Variants in RPS6KC1 observed in about 807,000 individuals in gnomAD.
RPS6KC1 encodes ribosomal protein S6 kinase C1.
Under a neutral mutation model 103.8 loss-of-function variants are expected in RPS6KC1, and 54 were observed. The observed-to-expected ratio is 0.52, with a 90% CI of 0.42 to 0.65. RPS6KC1 has a LOEUF of 0.65. Ranked by LOEUF, RPS6KC1 falls within the 30% of genes least tolerant of loss-of-function variation. The pLI, the probability that RPS6KC1 is intolerant of heterozygous loss-of-function variation, is 0.00. For missense variants in RPS6KC1, 1,151 were observed against 1,253.8 expected (o/e 0.92, Z 1.24); for synonymous variants, 439 against 438.7 (o/e 1.00, Z -0.01).
At chr1:213,794,970 T>G in the RPS6KC1 span, among the ~76,000 whole-genome samples, 1 of 152,216 alleles carries the variant, frequency 6.6e-6, no homozygotes, top group African/African-American at 2.4e-5. Flanking sequence ...CTTCCAGACC[T>G]CTAAAGGTGA....
chr1:213,167,909 A>G lies in RPS6KC1; in HGVS notation c.887A>G (p.Tyr296Cys). 2 of 1,613,850 alleles carry G rather than the reference A, an allele frequency of 1.2e-6. No individual in the cohort carries two copies. The highest frequency in any genetic ancestry group is 1.7e-6 in the Non-Finnish European group (2 of 1,179,906). ...GCTGTGAAGAGAAGAACAGCCGAGTACCTCATGCGGGCAGAAAGTATCTCT... is the reference window on the plus strand; with the variant it reads ...GCTGTGAAGAGAAGAACAGCCGAGTGCCTCATGCGGGCAGAAAGTATCTCT... Reference protein sequence around the residue: ...REAVKRRTAEYLMRAESISSL... With the variant: ...REAVKRRTAECLMRAESISSL... The change falls in exon 7 of 15, where the codon TAC becomes TGC. Residue 296 changes from tyrosine to cysteine, a missense_variant. By Grantham distance (194) the Tyr-to-Cys change is radical. Coordinates refer to ENST00000366960, the MANE Select transcript of RPS6KC1 (RefSeq NM_012424.6).
At chr1:213,743,372 CAGAATACT>C in the RPS6KC1 span, among the ~76,000 whole-genome samples, 1 of 151,992 alleles carries the variant, frequency 6.6e-6, no homozygotes, top group Non-Finnish European at 1.5e-5. Context: ...ATAGACACTG[CAGAATACT>C]AGAAGATGAA....
At chr1:213,536,362 G>A in the RPS6KC1 span, among the ~76,000 whole-genome samples, 1 of 152,196 alleles carries the variant, frequency 6.6e-6, no homozygotes, top group African/African-American at 2.4e-5. Flanking sequence ...TGGAGGAAAA[G>A]ATAGTGTCCC....
intron 3 of RPS6KC1, among the ~76,000 whole-genome samples, chr1:213,098,276 A>G (rs1022683759): frequency 1.3e-5 from 2 of 149,414 alleles, no homozygotes; most frequent in African/African-American, 4.9e-5. Flanking sequence ...CAGGCATACT[A>G]CAGGCATGTG....
the RPS6KC1 span, among the ~76,000 whole-genome samples, chr1:213,657,962 T>C: frequency 6.6e-6 from 1 of 152,204 alleles, no homozygotes; most frequent in Non-Finnish European, 1.5e-5. Context: ...TCATGAATGG[T>C]TGCATGACTC....
chr1:213,586,945 C>T, the RPS6KC1 span, among the ~76,000 whole-genome samples: 5,984 of 152,232 alleles, frequency 0.039, 159 homozygotes, highest in East Asian at 0.11. Context: ...TTCTTGTTCT[C>T]GTTAGCCTGG....
chr1:213,063,495 A>G (rs138388435), intron 1 of RPS6KC1, among the ~76,000 whole-genome samples: 1 of 152,192 alleles, frequency 6.6e-6, no homozygotes, highest in Non-Finnish European at 1.5e-5. Context: ...ACAATAAGAG[A>G]TAGTTACTTT....
At chr1:213,778,124 T>C in the RPS6KC1 span, among the ~76,000 whole-genome samples, 1 of 152,188 alleles carries the variant, frequency 6.6e-6, no homozygotes, top group Non-Finnish European at 1.5e-5. Flanking sequence ...TGTAGCCTCA[T>C]GGTCTTCATT....
chr1:213,846,459 T>C, the RPS6KC1 span, among the ~76,000 whole-genome samples: 2 of 152,228 alleles, frequency 1.3e-5, 1 homozygote, highest in Admixed American at 1.3e-4. Flanking sequence ...AAATAGAACG[T>C]TTTAGTTAAG....
At chr1:213,444,123 G>A in the RPS6KC1 span, among the ~76,000 whole-genome samples, 1 of 152,082 alleles carries the variant, frequency 6.6e-6, no homozygotes, top group African/African-American at 2.4e-5. Flanking sequence ...GCAATCTTTA[G>A]CATTCCTTGG....
At chr1:213,140,413 C>G (rs958893109) in intron 6 of RPS6KC1, among the ~76,000 whole-genome samples, 1 of 151,978 alleles carries the variant, frequency 6.6e-6, no homozygotes, top group Admixed American at 6.6e-5. Flanking sequence ...TTGTCTTGTT[C>G]TGGTTCTCAA....
At chr1:213,643,515 C>T in the RPS6KC1 span, among the ~76,000 whole-genome samples, 1 of 151,322 alleles carries the variant, frequency 6.6e-6, no homozygotes, top group Admixed American at 6.6e-5. Context: ...ACTAAATGTA[C>T]TTAGGAGTTT....
the RPS6KC1 span, among the ~76,000 whole-genome samples, chr1:213,814,289 C>A: frequency 6.6e-6 from 1 of 152,182 alleles, no homozygotes; most frequent in African/African-American, 2.4e-5. Context: ...GGGGCTTGGG[C>A]GAAGCCTAAA....
the RPS6KC1 span, among the ~76,000 whole-genome samples, chr1:213,415,401 C>T: frequency 6.6e-6 from 1 of 152,368 alleles, no homozygotes; most frequent in East Asian, 1.9e-4. Flanking sequence ...TTCTTTCCTA[C>T]AGCTCCTCAT....
At chr1:213,178,039 CA>C (rs1370677285) in intron 8 of RPS6KC1, among the ~76,000 whole-genome samples, 1 of 149,896 alleles carries the variant, frequency 6.7e-6, no homozygotes, top group Non-Finnish European at 1.5e-5. Context: ...CCTGCGTCTA[CA>C]AAAAAAGAAA....
Position 213,270,974 on chromosome 1 carries a change from G to C in RPS6KC1, c.3091-1550G>C, listed in dbSNP as rs78282093. 1.9e-3 allele frequency among the ~76,000 whole-genome samples: 292 copies of C among 152,212 alleles called. 8 individuals are homozygous for C. The East Asian group carries it at 0.048, about 25-fold the overall frequency. ...AGAAACCGAAATCCTCATACATAAAGGTTTGTGGGAATGTAAAATGGTACA... is the reference window on the plus strand; with the variant it reads ...AGAAACCGAAATCCTCATACATAAACGTTTGTGGGAATGTAAAATGGTACA... On this transcript the variant is annotated intron_variant, in intron 14 of 14. Coordinates refer to ENST00000366960, the MANE Select transcript of RPS6KC1 (RefSeq NM_012424.6).
At chr1:213,512,164 G>C in the RPS6KC1 span, among the ~76,000 whole-genome samples, 1 of 152,180 alleles carries the variant, frequency 6.6e-6, no homozygotes, top group Non-Finnish European at 1.5e-5. Flanking sequence ...ATTCCTGATT[G>C]ATTTTTGAAG....
chr1:213,490,996 C>A, the RPS6KC1 span, among the ~76,000 whole-genome samples: 2 of 152,132 alleles, frequency 1.3e-5, no homozygotes, highest in African/African-American at 4.8e-5. Flanking sequence ...GGAACTGGAG[C>A]AGGATTGGTC....
At chr1:213,223,026 G>A (rs931396978) in intron 8 of RPS6KC1, among the ~76,000 whole-genome samples, 6 of 152,110 alleles carry the variant, frequency 3.9e-5, no homozygotes, top group African/African-American at 1.2e-4. Flanking sequence ...AATCGGTCTA[G>A]TACTATTTTC....
Sources: gnomAD v4.1 joint callset for allele counts (sites outside exome capture counted in the v4.1 genomes callset) on GRCh38, gnomAD v4.1.1 for gene constraint, MANE v1.5 for transcripts, NCBI Gene and HGNC (gene_info 2026-07-23, HGNC 2026-07-21) for gene names.